The following TANGO6 variants were observed in gnomAD, a reference collection of about 807,000 sequenced individuals.
The protein encoded by TANGO6 is transport and Golgi organization protein 6 homolog.
TANGO6 carries 90 observed loss-of-function variants against 114.2 expected under a neutral mutation model. The observed-to-expected ratio is 0.79, with a 90% CI of 0.66 to 0.94. The LOEUF (loss-of-function observed/expected upper bound fraction) is 0.94. Among genes scored for constraint, TANGO6 ranks in the 40% least tolerant of loss-of-function variants. The probability of loss-of-function intolerance (pLI) is 0.00; values close to 1 mark genes in which losing one functional copy is unlikely to be tolerated. For missense variants in TANGO6, 1,274 were observed against 1,315.3 expected, an observed-to-expected ratio of 0.97 and a Z score of 0.49; for synonymous variants, 477 against 509.8, an observed-to-expected ratio of 0.94 and a Z score of 0.87.
At chr16:68,870,385 T>A (rs1304317673) in intron 4 of TANGO6, among the ~76,000 whole-genome samples, 1 of 152,096 alleles carries the variant, frequency 6.6e-6, no homozygotes, top group East Asian at 1.9e-4. Context: ...TGGTCTAGAG[T>A]GGCTATAATA....
chr16:68,995,982 G>T (rs769671317), intron 15 of TANGO6, among the ~76,000 whole-genome samples: 5 of 152,122 alleles, frequency 3.3e-5, no homozygotes, highest in Non-Finnish European at 7.4e-5. Flanking sequence ...TAAGTATTTT[G>T]CAGATAAAGA....
chr16:68,872,608 G>A (rs1433300256), intron 4 of TANGO6, among the ~76,000 whole-genome samples: 1 of 149,782 alleles, frequency 6.7e-6, no homozygotes, highest in African/African-American at 2.5e-5. Flanking sequence ...AGCCGGTTCT[G>A]TTGATTTTTT....
chr16:69,058,107 G>T (rs892164307), intron 17 of TANGO6, among the ~76,000 whole-genome samples: 1 of 152,146 alleles, frequency 6.6e-6, no homozygotes, highest in African/African-American at 2.4e-5. Flanking sequence ...AATCAGATGG[G>T]CCTACAGGTT....
chr16:69,068,700 G>A (rs934024471), intron 17 of TANGO6, among the ~76,000 whole-genome samples: 1 of 152,030 alleles, frequency 6.6e-6, no homozygotes, highest in African/African-American at 2.4e-5. Flanking sequence ...GCAATTCCTT[G>A]TGCTTGGATC....
intron 14 of TANGO6, among the ~76,000 whole-genome samples, chr16:68,966,341 T>C (rs1963645172): frequency 6.6e-6 from 1 of 151,774 alleles, no homozygotes; most frequent in Non-Finnish European, 1.5e-5. Flanking sequence ...CCATCTCTAC[T>C]AAAATACAAA....
intron 14 of TANGO6, among the ~76,000 whole-genome samples, chr16:68,963,593 G>T (rs1394127599): frequency 6.6e-6 from 1 of 152,158 alleles, no homozygotes; most frequent in East Asian, 1.9e-4. Flanking sequence ...CTACATGTTA[G>T]ATGTGGACCT....
chr16:69,081,031 G>C (rs1047113394), intron 17 of TANGO6, among the ~76,000 whole-genome samples: 1 of 152,060 alleles, frequency 6.6e-6, no homozygotes, highest in African/African-American at 2.4e-5. Context: ...CCAGCTACTC[G>C]GGAGGCTAAG....
intron 15 of TANGO6, among the ~76,000 whole-genome samples, chr16:69,018,704 C>T (rs981448772): frequency 1.2e-4 from 18 of 151,034 alleles, no homozygotes; most frequent in Non-Finnish European, 2.4e-4. Context: ...GGGCGGATCA[C>T]GAGGTCAGGA....
At chr16:68,887,353 T>C (rs1321832067) in intron 7 of TANGO6, among the ~76,000 whole-genome samples, 3 of 152,194 alleles carry the variant, frequency 2.0e-5, no homozygotes, top group Admixed American at 2.0e-4. Flanking sequence ...TACACTATCC[T>C]GATCAGACTG....
At chr16:68,867,269 T>G (rs753482238) in intron 4 of TANGO6, 49 bp downstream of exon 4, 2 of 1,611,114 alleles carry the variant, frequency 1.2e-6, no homozygotes, top group Non-Finnish European at 1.7e-6. Flanking sequence ...TTCCTTTGAG[T>G]CAGAGTCTGA....
At chr16:69,005,707 G>A (rs929052828) in intron 15 of TANGO6, among the ~76,000 whole-genome samples, 1 of 151,094 alleles carries the variant, frequency 6.6e-6, no homozygotes, top group Admixed American at 6.6e-5. Flanking sequence ...AGAATCACTT[G>A]AACCCGGGAA....
intron 2 of TANGO6, among the ~76,000 whole-genome samples, chr16:68,862,633 G>A (rs1268354253): frequency 6.6e-6 from 1 of 152,210 alleles, no homozygotes; most frequent in Non-Finnish European, 1.5e-5. Context: ...AAGAAAATGT[G>A]CAGTCACTGT....
chr16:69,072,736 T>C (rs1416816807), intron 17 of TANGO6, among the ~76,000 whole-genome samples: 3 of 152,074 alleles, frequency 2.0e-5, no homozygotes, highest in African/African-American at 4.8e-5. Flanking sequence ...CGGTAACTGA[T>C]AACAGGGAGC....
At chr16:68,986,902 A>C (rs8059533) in intron 15 of TANGO6, among the ~76,000 whole-genome samples, 37,666 of 151,924 alleles carry the variant, frequency 0.25, 6,021 homozygotes, top group African/African-American at 0.45. Flanking sequence ...AGACCCCTAT[A>C]ATCTGTCTAG....
intron 14 of TANGO6, among the ~76,000 whole-genome samples, chr16:68,951,552 T>C (rs936890743): frequency 2.0e-4 from 31 of 151,592 alleles, no homozygotes; most frequent in African/African-American, 7.3e-4. Context: ...TATGCCTCTG[T>C]ACTTCCTTCC....
chr16:68,917,329 A>G (rs1242601976), intron 11 of TANGO6, among the ~76,000 whole-genome samples: 1 of 152,182 alleles, frequency 6.6e-6, no homozygotes, highest in Non-Finnish European at 1.5e-5. Context: ...GGTTACTTCC[A>G]AGTTTTAACA....
chr16:68,852,827 C>T lies in TANGO6; in HGVS notation c.95-7057C>T, dbSNP rs770513969. Among the ~76,000 whole-genome samples the T allele has an allele frequency of 1.5e-3, 219 of 150,352 alleles. 1 individual carries two copies. Among genetic ancestry groups the T allele is most frequent in the African/African-American group, 4.9e-3 (202 of 40,964 alleles). ...AGCCTGGGTGACAGAGCGAGACCCC[C>T]GTCTCAAAAAGAAAAAGAAAAAAAG... On this transcript the variant is annotated intron_variant, in intron 1 of 17. Coordinates refer to ENST00000261778, the MANE Select transcript of TANGO6 (RefSeq NM_024562.2).
intron 7 of TANGO6, among the ~76,000 whole-genome samples, chr16:68,889,683 T>C (rs1438901941): frequency 6.6e-6 from 1 of 152,180 alleles, no homozygotes; most frequent in Non-Finnish European, 1.5e-5. Context: ...TTCTAAATGC[T>C]TTGGTTCAGA....
chr16:68,872,182 C>T (rs1264244042), intron 4 of TANGO6, among the ~76,000 whole-genome samples: 1 of 151,592 alleles, frequency 6.6e-6, no homozygotes, highest in Non-Finnish European at 1.5e-5. Flanking sequence ...GATCTCGCCA[C>T]TGCACTTCAG....
Sources: allele counts gnomAD v4.1 joint callset (sites outside exome capture counted in the v4.1 genomes callset), GRCh38; gene constraint gnomAD v4.1.1; transcripts MANE v1.5; gene names NCBI Gene and HGNC (gene_info 2026-07-23, HGNC 2026-07-21).